SNTG1: variants seen among roughly 807,000 people sequenced by gnomAD.
The protein encoded by SNTG1 is syntrophin gamma 1, also known as gamma-1-syntrophin.
In SNTG1, 39 loss-of-function variants were observed where a neutral mutation model predicts 74.7. That is an observed-to-expected ratio of 0.52 (90% CI 0.40 to 0.68). The LOEUF (loss-of-function observed/expected upper bound fraction) is 0.68, where lower values mean the gene tolerates loss of function less well. Ranked by LOEUF, SNTG1 falls within the 30% of genes least tolerant of loss-of-function variation. The pLI is 0.00. For missense variants in SNTG1, 685 were observed against 609.5 expected (o/e 1.12, Z -1.30); for synonymous variants, 254 against 217.1 (o/e 1.17, Z -1.49).
chr8:50,230,187 C>T (rs2085543651), intron 2 of SNTG1, among the ~76,000 whole-genome samples: 1 of 151,168 alleles, frequency 6.6e-6, no homozygotes, highest in Admixed American at 6.6e-5. Context: ...CAATTTTAGC[C>T]TAAAGCAACA....
chr8:50,715,635 C>A (rs1295138200), intron 17 of SNTG1, among the ~76,000 whole-genome samples: 1 of 152,046 alleles, frequency 6.6e-6, no homozygotes, highest in Admixed American at 6.5e-5. Context: ...TTCTCTTTAT[C>A]TCCTTTATTA....
intron 4 of SNTG1, among the ~76,000 whole-genome samples, chr8:50,414,161 C>T (rs570603715): frequency 1.3e-5 from 2 of 152,120 alleles, no homozygotes; most frequent in South Asian, 4.1e-4. Flanking sequence ...TATAAGTATC[C>T]CTCAGTTTGG....
chr8:49,959,425 G>A (rs1810482285), intron 1 of SNTG1, among the ~76,000 whole-genome samples: 2 of 152,048 alleles, frequency 1.3e-5, no homozygotes, highest in South Asian at 4.1e-4. Flanking sequence ...CAGAGGTGTT[G>A]TTAGCACGCT....
At chr8:49,914,464 A>G (rs1805850245) in intron 1 of SNTG1, among the ~76,000 whole-genome samples, 1 of 152,144 alleles carries the variant, frequency 6.6e-6, no homozygotes, top group South Asian at 2.1e-4. Context: ...CATAATCTAG[A>G]AAATGTAAAG....
At chr8:49,964,924 A>C (rs562290929) in intron 1 of SNTG1, among the ~76,000 whole-genome samples, 2 of 152,194 alleles carry the variant, frequency 1.3e-5, no homozygotes, top group African/African-American at 4.8e-5. Flanking sequence ...GTATTATCAA[A>C]CCACATTAGA....
chr8:50,556,201 T>C (rs1410469473), intron 12 of SNTG1, among the ~76,000 whole-genome samples: 1 of 152,184 alleles, frequency 6.6e-6, no homozygotes, highest in Non-Finnish European at 1.5e-5. Flanking sequence ...TAGTAAATGA[T>C]GTCTACTAGA....
chr8:50,380,835 C>A (rs2092467361), intron 2 of SNTG1, among the ~76,000 whole-genome samples: 1 of 152,112 alleles, frequency 6.6e-6, no homozygotes, highest in Admixed American at 6.5e-5. Flanking sequence ...TTTTTAATTT[C>A]TGAGTGTTAG....
At chr8:50,102,311 G>A (rs1409546504) in intron 1 of SNTG1, among the ~76,000 whole-genome samples, 1 of 151,988 alleles carries the variant, frequency 6.6e-6, no homozygotes, top group Non-Finnish European at 1.5e-5. Context: ...GATGGCCAGT[G>A]ATGATGAGCA....
chr8:50,621,859 T>C (rs1443872761), intron 13 of SNTG1, among the ~76,000 whole-genome samples: 2 of 152,216 alleles, frequency 1.3e-5, no homozygotes, highest in African/African-American at 4.8e-5. Flanking sequence ...ATAAAATAAC[T>C]TTTAGAAATA....
intron 2 of SNTG1, among the ~76,000 whole-genome samples, chr8:50,191,299 T>C (rs2083564770): frequency 6.6e-6 from 1 of 152,176 alleles, no homozygotes; most frequent in African/African-American, 2.4e-5. Flanking sequence ...ATTTTATCCT[T>C]TTTTTGGTTC....
chr8:50,368,025 A>G (rs991943093), intron 2 of SNTG1, among the ~76,000 whole-genome samples: 5 of 152,216 alleles, frequency 3.3e-5, no homozygotes, highest in Admixed American at 3.3e-4. Flanking sequence ...CGTGGACATT[A>G]AAGGCAATTC....
intron 5 of SNTG1, among the ~76,000 whole-genome samples, chr8:50,442,377 CTACTT>C (rs2093365441): frequency 6.6e-6 from 1 of 152,100 alleles, no homozygotes; most frequent in Admixed American, 6.6e-5. Context: ...AAGCAAATCC[CTACTT>C]TAGAGCCTGG....
At chr8:50,719,642 G>T (rs1257600733) in intron 17 of SNTG1, among the ~76,000 whole-genome samples, 6 of 152,106 alleles carry the variant, frequency 3.9e-5, no homozygotes, top group Admixed American at 2.0e-4. Flanking sequence ...AAATCTGTAG[G>T]TTAAGAATAA....
chr8:50,534,933 A>T (rs1454872078), intron 10 of SNTG1, among the ~76,000 whole-genome samples: 1 of 152,124 alleles, frequency 6.6e-6, no homozygotes, highest in Non-Finnish European at 1.5e-5. Flanking sequence ...TATTCCTAAG[A>T]ATGCCCTCCC....
intron 1 of SNTG1, among the ~76,000 whole-genome samples, chr8:50,078,301 T>C (rs203927): frequency 0.87 from 131,664 of 152,138 alleles, 57,111 homozygotes; most frequent in East Asian, 0.99. Flanking sequence ...TCAATTTCTA[T>C]GATAAATGAC....
chr8:50,309,617 A>G (rs188912229), intron 2 of SNTG1, among the ~76,000 whole-genome samples: 2 of 152,330 alleles, frequency 1.3e-5, no homozygotes, highest in Admixed American at 6.5e-5. Flanking sequence ...TCAAAAAGCT[A>G]CAGAAGAGGC....
chr8:50,502,574 T>G (rs1224402060), intron 8 of SNTG1, among the ~76,000 whole-genome samples: 1 of 152,148 alleles, frequency 6.6e-6, no homozygotes. Context: ...TATAAACAGG[T>G]GATCACAGAA....
At chr8:50,569,308 C>T (rs1031131552) in intron 12 of SNTG1, among the ~76,000 whole-genome samples, 3 of 151,896 alleles carry the variant, frequency 2.0e-5, no homozygotes, top group Non-Finnish European at 2.9e-5. Context: ...GATTCACAGA[C>T]ACACACACAA....
intron 2 of SNTG1, among the ~76,000 whole-genome samples, chr8:50,300,877 A>T (rs887810516): frequency 2.6e-5 from 4 of 152,122 alleles, no homozygotes; most frequent in Admixed American, 6.5e-5. Context: ...TTCTTTTAAC[A>T]CTTTAAAAAC....
Sources: allele counts gnomAD v4.1 joint callset (sites outside exome capture counted in the v4.1 genomes callset), GRCh38; gene constraint gnomAD v4.1.1; transcripts MANE v1.5; gene names NCBI Gene and HGNC (gene_info 2026-07-23, HGNC 2026-07-21).